Variants in UBE2E2 observed in about 807,000 individuals in gnomAD.
UBE2E2 encodes the protein ubiquitin-conjugating enzyme E2 E2.
UBE2E2 carries 6 observed loss-of-function variants against 24.7 expected under a neutral mutation model. That is an observed-to-expected ratio of 0.24 (90% CI 0.13 to 0.48). UBE2E2 has a LOEUF of 0.48. UBE2E2 is among the 20% of genes least tolerant of loss of function. UBE2E2 has a pLI of 0.99. For missense variants in UBE2E2, 169 were observed against 245.0 expected, an observed-to-expected ratio of 0.69 and a Z score of 2.07; for synonymous variants, 104 against 83.6, an observed-to-expected ratio of 1.24 and a Z score of -1.33.
intron 3 of UBE2E2, among the ~76,000 whole-genome samples, chr3:23,315,542 A>G (rs1346856937): frequency 6.6e-6 from 1 of 152,128 alleles, no homozygotes; most frequent in Non-Finnish European, 1.5e-5. Flanking sequence ...AGTTCATTCA[A>G]AACAGCAATT....
At position 23,535,079 on chromosome 3, in the gene UBE2E2, T is replaced by C. The variant is rs372316805; in HGVS notation, c.508+2378T>C. On this transcript the variant is annotated intron_variant, in intron 5 of 5. Transcript: ENST00000396703. Reference sequence around the variant, plus strand: ...ACTACCCATCCTTATCAGCATGATATTTGTAGACAGCAGATGTAGATTTGA... The same window carrying C: ...ACTACCCATCCTTATCAGCATGATACTTGTAGACAGCAGATGTAGATTTGA... Among the ~76,000 whole-genome samples the C allele has an allele frequency of 2.6e-5, 4 of 152,352 alleles. No homozygotes were observed. In the East Asian group the frequency reaches 5.8e-4, roughly 22 times the overall value.
chr3:23,320,649 G>A (rs1412901589), intron 3 of UBE2E2, among the ~76,000 whole-genome samples: 1 of 152,186 alleles, frequency 6.6e-6, no homozygotes, highest in Non-Finnish European at 1.5e-5. Context: ...TTTGGCCTGG[G>A]TTCAGCCAAG....
intron 3 of UBE2E2, among the ~76,000 whole-genome samples, chr3:23,322,586 C>G (rs1001174685): frequency 6.6e-6 from 1 of 151,950 alleles, no homozygotes; most frequent in Non-Finnish European, 1.5e-5. Flanking sequence ...TTTAATAATG[C>G]TTTTATTATT....
chr3:23,341,911 A>G (rs1201045409), intron 3 of UBE2E2, among the ~76,000 whole-genome samples: 2 of 152,186 alleles, frequency 1.3e-5, no homozygotes, highest in Non-Finnish European at 2.9e-5. Context: ...CCCAAACCAC[A>G]AAAGACTTCA....
intron 3 of UBE2E2, among the ~76,000 whole-genome samples, chr3:23,354,448 C>T (rs1203050792): frequency 6.6e-6 from 1 of 152,158 alleles, no homozygotes; most frequent in East Asian, 1.9e-4. Context: ...AACAGGCAAC[C>T]TGCAAAATGG....
chr3:23,533,122 G>A (rs1254967026), intron 5 of UBE2E2, among the ~76,000 whole-genome samples: 4 of 152,026 alleles, frequency 2.6e-5, no homozygotes, highest in African/African-American at 9.7e-5. Flanking sequence ...TGACCTTTTT[G>A]GCATCCTAGT....
rs1261198203 is a variant in UBE2E2, at chr3:23,297,569, C to A, written c.227+80257C>A. Among the ~76,000 whole-genome samples, 193 of 152,162 alleles carry A rather than the reference C, an allele frequency of 1.3e-3. 1 individual carries two copies. Among genetic ancestry groups the A allele is most frequent in the Non-Finnish European group, 4.4e-5 (3 of 68,044 alleles). On this transcript the variant is annotated intron_variant, in intron 3 of 5. Coordinates refer to ENST00000396703, the MANE Select transcript of UBE2E2 (RefSeq NM_152653.4). ...CAGCACCATTTATTAAATAGGGAATCCTTTCCCCATTGCTTGTTTTTGTCA... is the reference window on the plus strand; with the variant it reads ...CAGCACCATTTATTAAATAGGGAATACTTTCCCCATTGCTTGTTTTTGTCA...
chr3:23,580,577 C>T (rs886711423), intron 5 of UBE2E2, among the ~76,000 whole-genome samples: 1 of 152,206 alleles, frequency 6.6e-6, no homozygotes, highest in African/African-American at 2.4e-5. Flanking sequence ...GTGACATTCA[C>T]TTTATTGCGG....
At chr3:23,210,650 C>T (rs936389818) in intron 2 of UBE2E2, among the ~76,000 whole-genome samples, 5 of 152,008 alleles carry the variant, frequency 3.3e-5, no homozygotes, top group Non-Finnish European at 7.4e-5. Context: ...GGAGATAAAA[C>T]CTAGTTTAGA....
intron 3 of UBE2E2, among the ~76,000 whole-genome samples, chr3:23,223,498 T>A (rs1382488741): frequency 4.6e-5 from 7 of 152,122 alleles, no homozygotes; most frequent in African/African-American, 7.2e-5. Context: ...CCCTTTTGCC[T>A]GTTTTAAATT....
intron 3 of UBE2E2, among the ~76,000 whole-genome samples, chr3:23,429,682 T>TA (rs1559381292): frequency 6.6e-6 from 1 of 152,088 alleles, no homozygotes; most frequent in African/African-American, 2.4e-5. Context: ...TGTAGTGAGA[T>TA]AGGAAAAGGG....
At chr3:23,356,755 G>T (rs1331396534) in intron 3 of UBE2E2, among the ~76,000 whole-genome samples, 1 of 152,080 alleles carries the variant, frequency 6.6e-6, no homozygotes, top group Non-Finnish European at 1.5e-5. Context: ...TTGTCAATCA[G>T]GTTATGCTAA....
chr3:23,425,617 G>A (rs1697907768), intron 3 of UBE2E2, among the ~76,000 whole-genome samples: 1 of 152,108 alleles, frequency 6.6e-6, no homozygotes, highest in South Asian at 2.1e-4. Flanking sequence ...AGGAGCAGAA[G>A]CCTCTGCAGG....
At chr3:23,426,666 G>GTAA (rs1024200963) in intron 3 of UBE2E2, among the ~76,000 whole-genome samples, 13 of 152,096 alleles carry the variant, frequency 8.5e-5, no homozygotes, top group African/African-American at 3.1e-4. Context: ...TGAAGAAGAG[G>GTAA]TAAGACTTTC....
intron 3 of UBE2E2, among the ~76,000 whole-genome samples, chr3:23,449,558 T>A (rs572954102): frequency 2.6e-4 from 39 of 152,306 alleles, no homozygotes; most frequent in African/African-American, 8.9e-4. Flanking sequence ...AAAAGACAAT[T>A]ATCCTTATTT....
chr3:23,317,608 A>G (rs1694621279), intron 3 of UBE2E2, among the ~76,000 whole-genome samples: 1 of 152,154 alleles, frequency 6.6e-6, no homozygotes, highest in Non-Finnish European at 1.5e-5. Flanking sequence ...AGGAGGAGTA[A>G]GTCACATTTT....
At chr3:23,541,280 G>T (rs770769529) in intron 5 of UBE2E2, among the ~76,000 whole-genome samples, 1 of 152,182 alleles carries the variant, frequency 6.6e-6, no homozygotes, top group Non-Finnish European at 1.5e-5. Context: ...TTTTCATTCA[G>T]TATCTAGCCT....
intron 3 of UBE2E2, among the ~76,000 whole-genome samples, chr3:23,465,817 A>G (rs901679690): frequency 4.6e-5 from 7 of 152,176 alleles, no homozygotes; most frequent in Non-Finnish European, 7.3e-5. Context: ...TGAACAGTAG[A>G]TAGCAAAGGA....
At chr3:23,268,338 G>A (rs1354211634) in intron 3 of UBE2E2, among the ~76,000 whole-genome samples, 3 of 150,904 alleles carry the variant, frequency 2.0e-5, no homozygotes, top group African/African-American at 7.3e-5. Context: ...TCCTTAAGCT[G>A]ATAAGCAGCT....
Sources: allele counts gnomAD v4.1 joint callset (sites outside exome capture counted in the v4.1 genomes callset), GRCh38; gene constraint gnomAD v4.1.1; transcripts MANE v1.5; gene names NCBI Gene and HGNC (gene_info 2026-07-23, HGNC 2026-07-21).